The following ASPRV1 variants were observed in gnomAD, a reference collection of about 807,000 sequenced individuals.
ASPRV1 encodes the protein retroviral-like aspartic protease 1.
A neutral mutation model predicts 11.0 loss-of-function variants in ASPRV1; 7 were observed. That is an observed-to-expected ratio of 0.64 (90% confidence interval 0.36 to 1.20). The LOEUF (loss-of-function observed/expected upper bound fraction) is 1.20. Among genes scored for constraint, ASPRV1 ranks in the 50% most tolerant of loss-of-function variants. ASPRV1 has a pLI of 0.02. For missense variants in ASPRV1, 299 were observed against 320.0 expected (o/e 0.93, Z 0.50); for synonymous variants, 136 against 138.4 (o/e 0.98, Z 0.12).
At chr2:70,071,435 G>A in the ASPRV1 span, among the ~76,000 whole-genome samples, 2 of 152,310 alleles carry the variant, frequency 1.3e-5, no homozygotes, top group African/African-American at 4.8e-5. Context: ...ATTCTGTATA[G>A]TTCCGGGGTA....
At chr2:70,019,211 A>G in the ASPRV1 span, 5 of 152,238 alleles carry the variant, frequency 3.3e-5, no homozygotes, top group Non-Finnish European at 7.3e-5. Flanking sequence ...AAACAATGAC[A>G]TATCACCTCA....
At chr2:70,043,694 C>T in the ASPRV1 span, among the ~76,000 whole-genome samples, 3 of 152,232 alleles carry the variant, frequency 2.0e-5, no homozygotes, top group Admixed American at 6.5e-5. Context: ...GCCTCTTTTG[C>T]GCCACCATTT....
At chr2:70,002,097 C>A in the ASPRV1 span, among the ~76,000 whole-genome samples, 1 of 152,062 alleles carries the variant, frequency 6.6e-6, no homozygotes, top group Admixed American at 6.6e-5. Context: ...TTTTAATTTT[C>A]TTTTTCTGTT....
the ASPRV1 span, among the ~76,000 whole-genome samples, chr2:70,011,260 C>G: frequency 6.6e-6 from 1 of 151,740 alleles, no homozygotes; most frequent in Non-Finnish European, 1.5e-5. Flanking sequence ...TACCCCTGAA[C>G]CTAAATTAAA....
chr2:70,066,385 C>G, the ASPRV1 span, among the ~76,000 whole-genome samples: 4 of 151,478 alleles, frequency 2.6e-5, no homozygotes, highest in South Asian at 2.1e-4. Flanking sequence ...ATTACAGGTG[C>G]CTGCCACCAC....
chr2:69,979,169 G>C, the ASPRV1 span, among the ~76,000 whole-genome samples: 1 of 152,098 alleles, frequency 6.6e-6, no homozygotes, highest in African/African-American at 2.4e-5. Flanking sequence ...TGAGTAGCTG[G>C]GACTACAGGT....
At chr2:70,076,549 CA>C in the ASPRV1 span, among the ~76,000 whole-genome samples, 249 of 152,296 alleles carry the variant, frequency 1.6e-3, no homozygotes, top group Non-Finnish European at 2.6e-3. Context: ...CCTCATTGTA[CA>C]AATACAGATG....
At chr2:69,985,902 G>A in the ASPRV1 span, among the ~76,000 whole-genome samples, 1 of 152,152 alleles carries the variant, frequency 6.6e-6, no homozygotes, top group African/African-American at 2.4e-5. Flanking sequence ...AAGCACAACC[G>A]TTTCTGCTCA....
At chr2:70,025,112 C>T in the ASPRV1 span, among the ~76,000 whole-genome samples, 1 of 152,146 alleles carries the variant, frequency 6.6e-6, no homozygotes, top group African/African-American at 2.4e-5. Context: ...TTCATACCAG[C>T]TTATAACCAC....
the ASPRV1 span, among the ~76,000 whole-genome samples, chr2:70,017,224 C>G: frequency 6.6e-6 from 1 of 152,220 alleles, no homozygotes; most frequent in South Asian, 2.1e-4. Flanking sequence ...ATCTCCTGAT[C>G]TTGTGATCTG....
the ASPRV1 span, among the ~76,000 whole-genome samples, chr2:70,068,210 C>G: frequency 3.9e-5 from 6 of 152,208 alleles, no homozygotes; most frequent in Non-Finnish European, 8.8e-5. Context: ...GATCAAGTGG[C>G]CTTGCTGGCC....
chr2:70,042,300 T>C, the ASPRV1 span, among the ~76,000 whole-genome samples: 65 of 152,294 alleles, frequency 4.3e-4, no homozygotes, highest in South Asian at 0.013. Context: ...GGCATCTAAT[T>C]AGCGCAAAGA....
At chr2:69,957,071 T>C (rs187279054), downstream of ASPRV1, among the ~76,000 whole-genome samples, 11 of 152,310 alleles carry the variant, frequency 7.2e-5, no homozygotes, top group East Asian at 2.1e-3. Flanking sequence ...GGGCCAACAA[T>C]GTTCTTGTTG....
At chr2:70,024,820 G>C in the ASPRV1 span, among the ~76,000 whole-genome samples, 38 of 152,034 alleles carry the variant, frequency 2.5e-4, no homozygotes, top group Non-Finnish European at 1.5e-5. Context: ...GGAGTTCTAA[G>C]GCCTAACCCT....
At chr2:69,967,175 C>T in the ASPRV1 span, among the ~76,000 whole-genome samples, 1 of 152,196 alleles carries the variant, frequency 6.6e-6, no homozygotes, top group Admixed American at 6.5e-5. Context: ...AACACCGCCT[C>T]ACTTGGAGAG....
the ASPRV1 span, among the ~76,000 whole-genome samples, chr2:69,999,655 C>CA: frequency 0.012 from 615 of 53,076 alleles, 3 homozygotes; most frequent in Non-Finnish European, 0.015. Context: ...GACTCTGTCT[C>CA]AAAAAAAAAA....
At chr2:70,029,425 G>A in the ASPRV1 span, among the ~76,000 whole-genome samples, 2 of 152,102 alleles carry the variant, frequency 1.3e-5, no homozygotes, top group Non-Finnish European at 2.9e-5. Context: ...TGGATCACAA[G>A]CTCAGGAGAT....
the ASPRV1 span, among the ~76,000 whole-genome samples, chr2:70,008,022 G>A: frequency 6.6e-6 from 1 of 152,068 alleles, no homozygotes; most frequent in South Asian, 2.1e-4. Flanking sequence ...TTTTAGTAGC[G>A]ACAGGGTTTC....
At chr2:70,002,539 T>C in the ASPRV1 span, among the ~76,000 whole-genome samples, 1 of 152,220 alleles carries the variant, frequency 6.6e-6, no homozygotes, top group East Asian at 1.9e-4. Context: ...TACCTGTCAA[T>C]CTAGTTCTAT....
Sources: gnomAD v4.1 joint callset for allele counts (sites outside exome capture counted in the v4.1 genomes callset) on GRCh38, gnomAD v4.1.1 for gene constraint, MANE v1.5 for transcripts, NCBI Gene and HGNC (gene_info 2026-07-23, HGNC 2026-07-21) for gene names.